The following MEP1B variants were observed in gnomAD, a reference collection of about 807,000 sequenced individuals.
MEP1B encodes N-benzoyl-L-tyrosyl-P-amino-benzoic acid hydrolase subunit beta.
Under a neutral mutation model 84.6 loss-of-function variants are expected in MEP1B, and 80 were observed. That is an observed-to-expected ratio of 0.95 (90% CI 0.79 to 1.14). The LOEUF (loss-of-function observed/expected upper bound fraction) is 1.14, where lower values mean the gene tolerates loss of function less well. Ranked by LOEUF, MEP1B falls within the 50% of genes most tolerant of loss-of-function variation. MEP1B has a pLI of 0.00. For missense variants in MEP1B, 766 were observed against 855.1 expected, an observed-to-expected ratio of 0.90 and a Z score of 1.30; for synonymous variants, 273 against 288.1, an observed-to-expected ratio of 0.95 and a Z score of 0.53.
In MEP1B at chr18:32,202,931, C is replaced by T. The variant is rs200205119; in HGVS notation, c.289C>T (p.Arg97Cys). 323 of 1,612,206 alleles carry T rather than the reference C, an allele frequency of 2.0e-4. No homozygotes were observed. In the African/African-American group the frequency reaches 2.7e-3, roughly 14 times the overall value. The change falls in exon 6 of 15, where the codon CGT becomes TGT. Residue 97 changes from arginine to cysteine, a missense_variant. By Grantham distance (180) the Arg-to-Cys change is radical. Transcript: ENST00000269202. Reference protein sequence around the residue: ...AKGVILNAFERYRLKTCIDFK... With the variant: ...AKGVILNAFECYRLKTCIDFK... ...GGGAGTTATCCTCAATGCATTTGAA[C>T]GTTATCGCCTTAAAACATGTATTGA...
At chr18:32,215,294 G>GTT in intron 12 of MEP1B, 33 bp downstream of exon 12, 8 of 1,339,648 alleles carry the variant, frequency 6.0e-6, no homozygotes, top group African/African-American at 1.5e-5. Flanking sequence ...ATATAAACTA[G>GTT]TTTTTTTTTG....
At chr18:32,213,631 A>G (rs986194313) in intron 11 of MEP1B, 72 bp downstream of exon 11, 7 of 1,191,430 alleles carry the variant, frequency 5.9e-6, no homozygotes, top group Non-Finnish European at 8.5e-6. Flanking sequence ...TTTGGGAATG[A>G]GGGATTGCAC....
intron 5 of MEP1B, among the ~76,000 whole-genome samples, chr18:32,202,586 T>G (rs1183335378): frequency 6.6e-6 from 1 of 152,222 alleles, no homozygotes; most frequent in East Asian, 1.9e-4. Context: ...ATTATTTATT[T>G]TGATTGCCTG....
chr18:32,193,712 A>C (rs2040824888), intron 4 of MEP1B, among the ~76,000 whole-genome samples: 1 of 152,140 alleles, frequency 6.6e-6, no homozygotes, highest in South Asian at 2.1e-4. Context: ...CACAGTCCTA[A>C]GTCACTCCCT....
rs150542683 is a variant in MEP1B at position 32,216,762 on chromosome 18, C to T, written c.1760-229C>T. 4.2e-3 allele frequency among the ~76,000 whole-genome samples: 637 copies of T among 152,044 alleles called. 2 individuals carry two copies. Among genetic ancestry groups the T allele is most frequent in the Non-Finnish European group, 7.2e-3 (490 of 67,982 alleles). ...TTCTGAAACTTAAGATTGGGCTTGG[C>T]ATCATGGCTCACGCCTATAATCCCA... is the stretch of plus-strand genomic sequence containing the variant. On this transcript the variant is annotated intron_variant, in intron 12 of 14. Transcript: ENST00000269202.
chr18:32,219,570 G>A (rs962088854), intron 14 of MEP1B, among the ~76,000 whole-genome samples: 2 of 152,096 alleles, frequency 1.3e-5, no homozygotes, highest in Non-Finnish European at 1.5e-5. Flanking sequence ...AAGGGCAGGA[G>A]GGGACAAGTT....
At chr18:32,203,171 C>T (rs1353898945) in intron 6 of MEP1B, 161 bp downstream of exon 6, 3 of 516,420 alleles carry the variant, frequency 5.8e-6, no homozygotes, top group Non-Finnish European at 1.0e-5. Flanking sequence ...TTTTTGTAGA[C>T]ATAGAAATTA....
At chr18:32,201,561 T>A (rs1043995387) in intron 5 of MEP1B, among the ~76,000 whole-genome samples, 10 of 152,208 alleles carry the variant, frequency 6.6e-5, no homozygotes, top group Non-Finnish European at 1.3e-4. Flanking sequence ...GACATAATAT[T>A]TAGTGAAAAA....
chr18:32,209,386 C>A (rs1234086471), intron 9 of MEP1B, among the ~76,000 whole-genome samples: 2 of 151,320 alleles, frequency 1.3e-5, no homozygotes, highest in African/African-American at 4.9e-5. Flanking sequence ...AGTTGGGTGA[C>A]TGAGGCAGGA....
intron 12 of MEP1B, 31 bp downstream of exon 12, chr18:32,215,292 T>C (rs369978833): frequency 2.8e-6 from 4 of 1,432,232 alleles, no homozygotes; most frequent in Non-Finnish European, 3.8e-6. Context: ...TTATATAAAC[T>C]AGTTTTTTTT....
chr18:32,197,764 G>C (rs545813208), intron 5 of MEP1B, among the ~76,000 whole-genome samples: 1 of 152,054 alleles, frequency 6.6e-6, no homozygotes, highest in Non-Finnish European at 1.5e-5. Context: ...AGATTCAGTG[G>C]GTACGTGTGC....
At chr18:32,208,422 T>C (rs2040988806) in intron 9 of MEP1B, 151 bp downstream of exon 9, 1 of 421,302 alleles carries the variant, frequency 2.4e-6, no homozygotes, top group African/African-American at 2.2e-5. Flanking sequence ...TTGCACCTGA[T>C]AAAGACATTG....
At chr18:32,200,304 C>T (rs779017805) in intron 5 of MEP1B, among the ~76,000 whole-genome samples, 10 of 152,012 alleles carry the variant, frequency 6.6e-5, no homozygotes, top group Non-Finnish European at 1.5e-4. Flanking sequence ...TGTCTTAAAT[C>T]TTTTGTTCTA....
At chr18:32,200,566 A>G (rs1455889596) in intron 5 of MEP1B, among the ~76,000 whole-genome samples, 1 of 152,142 alleles carries the variant, frequency 6.6e-6, no homozygotes, top group Non-Finnish European at 1.5e-5. Context: ...AAGCAAGGCC[A>G]CTCTTACAGG....
Position 32,208,101 on chromosome 18 carries a change from GT to G in MEP1B, c.767-12del. On this transcript the variant is annotated splice_polypyrimidine_tract_variant and intron_variant, in intron 8 of 14. Transcript: ENST00000269202. ...TCATGTTGTATGAGTGTCAATAATTGTTTTTTGCTTTTTGTAGCCTCTTCCT... is the reference window on the plus strand; with the variant it reads ...TCATGTTGTATGAGTGTCAATAATTGTTTTTGCTTTTTGTAGCCTCTTCCT... 1.2e-6 allele frequency: 2 copies of G among 1,612,012 alleles called. No individual in the cohort carries two copies. Among genetic ancestry groups the G allele is most frequent in the Non-Finnish European group, 1.7e-6 (2 of 1,178,564 alleles).
chr18:32,208,838 A>G (rs1194209787), intron 9 of MEP1B, among the ~76,000 whole-genome samples: 1 of 152,222 alleles, frequency 6.6e-6, no homozygotes, highest in African/African-American at 2.4e-5. Context: ...GTAAAACTAG[A>G]CTTCAGAACT....
chr18:32,213,613 C>G, intron 11 of MEP1B, 54 bp downstream of exon 11: 1 of 1,396,524 alleles, frequency 7.2e-7, no homozygotes. Flanking sequence ...CTAGGAGGGA[C>G]TGATAATTTT....
intron 1 of MEP1B, 41 bp downstream of exon 1, chr18:32,190,174 G>A (rs1598884249): frequency 6.8e-7 from 1 of 1,472,066 alleles, no homozygotes. Flanking sequence ...AAAATTTTGG[G>A]GCAGTTGATA....
intron 7 of MEP1B, among the ~76,000 whole-genome samples, chr18:32,205,647 T>C (rs1292340506): frequency 6.6e-6 from 1 of 152,258 alleles, no homozygotes; most frequent in African/African-American, 2.4e-5. Flanking sequence ...CACATCTTTA[T>C]GTTTTGGAGA....
Sources: gnomAD v4.1 joint callset for allele counts (sites outside exome capture counted in the v4.1 genomes callset) on GRCh38, gnomAD v4.1.1 for gene constraint, MANE v1.5 for transcripts, NCBI Gene and HGNC (gene_info 2026-07-23, HGNC 2026-07-21) for gene names.